The following KIAA1191 variants were observed in gnomAD, a reference collection of about 807,000 sequenced individuals.
KIAA1191 encodes the protein putative monooxygenase p33MONOX.
KIAA1191 carries 22 observed loss-of-function variants against 31.1 expected under a neutral mutation model. The observed-to-expected ratio is 0.71, with a 90% CI of 0.51 to 1.01. The LOEUF (loss-of-function observed/expected upper bound fraction) is 1.01, where lower values mean the gene tolerates loss of function less well. Among genes scored for constraint, KIAA1191 ranks in the 50% least tolerant of loss-of-function variants. The pLI, the probability that KIAA1191 is intolerant of heterozygous loss-of-function variation, is 0.00. For missense variants in KIAA1191, 319 were observed against 388.0 expected (o/e 0.82, Z 1.49); for synonymous variants, 130 against 143.9 (o/e 0.90, Z 0.69).
intron 4 of KIAA1191, among the ~76,000 whole-genome samples, chr5:176,354,989 A>T (rs1361515943): frequency 1.3e-5 from 2 of 152,202 alleles, no homozygotes; most frequent in African/African-American, 2.4e-5. Flanking sequence ...AGAGGACAGG[A>T]TGTGGATGGC....
intron 6 of KIAA1191, among the ~76,000 whole-genome samples, chr5:176,349,844 AC>A (rs571160156): frequency 8.0e-5 from 12 of 150,346 alleles, no homozygotes; most frequent in African/African-American, 2.7e-4. Flanking sequence ...CTGGATTCTG[AC>A]CCCCCCTTGC....
intron 5 of KIAA1191, among the ~76,000 whole-genome samples, chr5:176,352,178 A>AAAAAAAAAAAAAC (rs1554119735): frequency 6.7e-6 from 1 of 149,028 alleles, no homozygotes; most frequent in African/African-American, 2.5e-5. Flanking sequence ...CAAAAAAAAA[A>AAAAAAAAAAAAAC]ACAAAAACTG....
At position 176,347,511 on chromosome 5, in the gene KIAA1191, T is replaced by C; in HGVS notation, c.*89A>G. The C allele has an allele frequency of 8.8e-7, 1 of 1,132,170 alleles. No individual in the cohort carries two copies. Among genetic ancestry groups the C allele is most frequent in the Non-Finnish European group, 1.2e-6 (1 of 832,116 alleles). 70.1% of individuals were successfully genotyped at this position (1,132,170 alleles called of 1,614,324 possible). A position where few individuals can be genotyped will look rare whatever the true frequency, so the allele number is the denominator to read the frequency against. On this transcript the variant is annotated 3_prime_UTR_variant, in exon 9 of 9. Transcript: ENST00000298569. ...CCACCACGCCCAGCTGATTAAGTTT[T>C]TAAATATACCTTTCCTATGTCAAAG...
At chr5:176,354,589 G>A (rs1426719549) in intron 4 of KIAA1191, 1 of 152,468 alleles carries the variant, frequency 6.6e-6, no homozygotes, top group Admixed American at 6.5e-5. Context: ...TTAGGAAGGA[G>A]GCAGTTCTTA....
At chr5:176,351,202 G>A (rs1218514652) in intron 5 of KIAA1191, among the ~76,000 whole-genome samples, 4 of 151,818 alleles carry the variant, frequency 2.6e-5, no homozygotes, top group Admixed American at 6.6e-5. Flanking sequence ...TTAGCTGGGT[G>A]TGGTGGCAGG....
At chr5:176,348,953 GCAAGGTTCC>G (rs1229977574) in intron 6 of KIAA1191, 1 of 152,854 alleles carries the variant, frequency 6.5e-6, no homozygotes, top group Non-Finnish European at 1.5e-5. Flanking sequence ...CTCTTCTAGA[GCAAGGTTCC>G]CATGCTGTTT....
intron 3 of KIAA1191, among the ~76,000 whole-genome samples, chr5:176,358,981 G>A (rs1442752374): frequency 1.3e-5 from 2 of 151,678 alleles, no homozygotes; most frequent in Non-Finnish European, 2.9e-5. Context: ...CTACTCGGGA[G>A]GCTGAGGCAG....
At chr5:176,352,132 G>T (rs1328087641) in intron 5 of KIAA1191, among the ~76,000 whole-genome samples, 1 of 150,354 alleles carries the variant, frequency 6.7e-6, no homozygotes, top group Non-Finnish European at 1.5e-5. Flanking sequence ...TCCTCTTCCT[G>T]GTAGACCAAC....
intron 3 of KIAA1191, among the ~76,000 whole-genome samples, chr5:176,356,668 T>C (rs935040411): frequency 6.6e-6 from 1 of 152,196 alleles, no homozygotes; most frequent in Admixed American, 6.5e-5. Flanking sequence ...CTCTCAGCTG[T>C]GCCAGACCAG....
chr5:176,352,020 A>G (rs1029298333), intron 5 of KIAA1191, among the ~76,000 whole-genome samples: 5 of 152,130 alleles, frequency 3.3e-5, no homozygotes, highest in Non-Finnish European at 7.3e-5. Flanking sequence ...GAAGAAGTTT[A>G]GTTAGCTTGT....
At position 176,350,669 on chromosome 5, in the gene KIAA1191, G is replaced by C. The variant is rs751419714; in HGVS notation, c.403C>G (p.His135Asp). 1.2e-6 allele frequency: 2 copies of C among 1,614,056 alleles called. No individual in the cohort carries two copies. The highest frequency in any genetic ancestry group is 2.2e-5 in the South Asian group (2 of 91,076). ...AGLRDAGYTP[H>D]KGLTTEETKY... ...GTCTCCTCGGTGGTGAGGCCCTTGTGGGGTGTGTAGCCAGCATCTCTCAGC... is the reference window on the plus strand; with the variant it reads ...GTCTCCTCGGTGGTGAGGCCCTTGTCGGGTGTGTAGCCAGCATCTCTCAGC... The change falls in exon 6 of 9, where the codon CAC becomes GAC. Residue 135 changes from histidine to aspartate, a missense_variant. By Grantham distance (81) the His-to-Asp change is moderately conservative. Transcript: ENST00000298569.
Position 176,352,765 on chromosome 5 carries a change from C to T in KIAA1191, c.208-17G>A, listed in dbSNP as rs762072913. 6.2e-7 allele frequency: 1 copy of T among 1,611,476 alleles called. No homozygotes were observed. Among genetic ancestry groups the T allele is most frequent in the Non-Finnish European group, 8.5e-7 (1 of 1,178,674 alleles). ...TTCCTCCACCTGTTCAAGAGAGGTACAGTACAGAAGCACTTAGGCAGGGCA... is the reference window on the plus strand; with the variant it reads ...TTCCTCCACCTGTTCAAGAGAGGTATAGTACAGAAGCACTTAGGCAGGGCA... On this transcript the variant is annotated splice_polypyrimidine_tract_variant and intron_variant, in intron 4 of 8. Transcript: ENST00000298569.
chr5:176,351,158 A>C (rs545371787), intron 5 of KIAA1191, among the ~76,000 whole-genome samples: 36 of 150,700 alleles, frequency 2.4e-4, no homozygotes, highest in East Asian at 1.2e-3. Flanking sequence ...CTGGCTAACA[A>C]GGTGAAACCC....
rs1767136343 is a variant in KIAA1191 at position 176,352,676 on chromosome 5, C to T, written c.280G>A (p.Val94Ile). Residue 94 changes from valine (V) to isoleucine (I), a missense_variant, in exon 5 of 9, where the codon GTC (valine) becomes ATC (isoleucine). Coordinates refer to ENST00000298569, the MANE Select transcript of KIAA1191 (RefSeq NM_020444.5). ...GTAGCTTTAGCCTTCACCACTGGGA[C>T]CTTGTCCACACTGTCAATGGCTGAT... Reference protein sequence around the residue: ...LSSAIDSVDKVPVVKAKATHV... With the variant: ...LSSAIDSVDKIPVVKAKATHV... The T allele has an allele frequency of 6.2e-7, 1 of 1,613,962 alleles. No homozygotes were observed. Among genetic ancestry groups the T allele is most frequent in the Non-Finnish European group, 8.5e-7 (1 of 1,179,976 alleles).
At chr5:176,352,178 A>AAC (rs1554119736) in intron 5 of KIAA1191, among the ~76,000 whole-genome samples, 6,801 of 148,466 alleles carry the variant, frequency 0.046, 198 homozygotes, top group African/African-American at 0.08. Context: ...CAAAAAAAAA[A>AAC]ACAAAAACTG....
rs1768022454 is a variant in KIAA1191, at chr5:176,361,606, G to A, written c.-172C>T. 1 of 152,402 alleles carries A rather than the reference G, an allele frequency of 6.6e-6. No homozygotes were observed. Among genetic ancestry groups the A allele is most frequent in the African/African-American group, 2.4e-5 (1 of 41,474 alleles). The allele number at this position is 152,402 out of a possible 1,614,324, so 9.4% of individuals were successfully genotyped here. A position where few individuals can be genotyped will look rare whatever the true frequency, so the allele number is the denominator to read the frequency against. ...CCAGGCCCGCCATCTGTTCACCTGT[G>A]ATCCTGCTGCCGCGGGACTGCCTGC... On this transcript the variant is annotated 5_prime_UTR_variant, in exon 1 of 9. Transcript: ENST00000298569. The surrounding 1 kb of genome is among the most constrained non-coding windows in gnomAD (Gnocchi z 4.0).
chr5:176,355,245 AAAG>A lies in KIAA1191; in HGVS notation c.207+323_207+325del, dbSNP rs1767400311. The stretch of plus-strand genomic sequence containing the variant: ...TAGTTTTGAATTAAAAAGAAAAAAA[AAAG>A]GAGGGAGATTTAAAAAACCATCTAT... On this transcript the variant is annotated intron_variant, in intron 4 of 8. Transcript: ENST00000298569. The surrounding 1 kb of genome is among the most constrained non-coding windows in gnomAD (Gnocchi z 4.2). 1.3e-5 allele frequency among the ~76,000 whole-genome samples: 2 copies of A among 152,090 alleles called. No homozygotes were observed. The highest frequency in any genetic ancestry group is 2.9e-5 in the Non-Finnish European group (2 of 68,016).
intron 7 of KIAA1191, 77 bp downstream of exon 7, chr5:176,348,173 C>T: frequency 6.3e-7 from 1 of 1,597,650 alleles, no homozygotes; most frequent in South Asian, 1.1e-5. Flanking sequence ...AAACCACAGG[C>T]TTAAATACAA....
At position 176,355,622 on chromosome 5, in the gene KIAA1191, G is replaced by GGACA; in HGVS notation, c.155_156insTGTC (p.Pro54ArgfsTer37). 6.2e-7 allele frequency: 1 copy of GGACA among 1,612,220 alleles called. No individual in the cohort carries two copies. Among genetic ancestry groups the GGACA allele is most frequent in the Non-Finnish European group, 8.5e-7 (1 of 1,179,690 alleles). The stretch of plus-strand genomic sequence containing the variant: ...CTGGAATCACTGGCTTCCAAGGGAC[G>GGACA]CTGCCCATGTCCGATGGAGGAGGAG... On this transcript the variant is annotated frameshift_variant, in exon 4 of 9. Coordinates refer to ENST00000298569, the MANE Select transcript of KIAA1191 (RefSeq NM_020444.5). LOFTEE classifies it high-confidence loss of function. This position sits in a 1 kb window ranked among gnomAD's most constrained non-coding sequence, Gnocchi z 4.2.
Sources: gnomAD v4.1 joint callset for allele counts (sites outside exome capture counted in the v4.1 genomes callset) on GRCh38, gnomAD v4.1.1 for gene constraint, Gnocchi (gnomAD v3.1) non-coding constraint, MANE v1.5 for transcripts, NCBI Gene and HGNC (gene_info 2026-07-23, HGNC 2026-07-21) for gene names.